The following SGK1 variants were observed in gnomAD, a reference collection of about 807,000 sequenced individuals.
SGK1 encodes serum/glucocorticoid regulated kinase 1.
A neutral mutation model predicts 64.2 loss-of-function variants in SGK1; 26 were observed. That is an observed-to-expected ratio of 0.40 (90% CI 0.30 to 0.56). SGK1 has a LOEUF of 0.56. Ranked by LOEUF, SGK1 falls within the 20% of genes least tolerant of loss-of-function variation. The probability of loss-of-function intolerance (pLI) is 0.38; values close to 1 mark genes in which losing one functional copy is unlikely to be tolerated. For synonymous variants in SGK1, 265 were observed against 239.7 expected (o/e 1.11, Z -0.98); for missense variants, 519 against 645.6 (o/e 0.80, Z 2.12).
chr6:134,180,400 A>G (rs1775313333), intron 3 of SGK1: 1 of 152,224 alleles, frequency 6.6e-6, no homozygotes, highest in Non-Finnish European at 1.5e-5. Flanking sequence ...CTAGAATGCA[A>G]TATGATAGGT....
chr6:134,233,672 A>G (rs1000347828), intron 2 of SGK1, among the ~76,000 whole-genome samples: 20 of 152,262 alleles, frequency 1.3e-4, no homozygotes, highest in Admixed American at 1.3e-3. Flanking sequence ...AAGAAAAAGA[A>G]GAAAAAAGCA....
chr6:134,253,182 G>A (rs1415865833), intron 2 of SGK1, among the ~76,000 whole-genome samples: 1 of 152,200 alleles, frequency 6.6e-6, no homozygotes, highest in Non-Finnish European at 1.5e-5. Context: ...TGCTGAACAA[G>A]AGACATGGGT....
At chr6:134,253,072 C>G (rs574900781) in intron 2 of SGK1, among the ~76,000 whole-genome samples, 1 of 152,264 alleles carries the variant, frequency 6.6e-6, no homozygotes, top group Admixed American at 6.5e-5. Context: ...TACTTCCAAG[C>G]CTTCTGGGCT....
chr6:134,226,787 G>A (rs972910699), intron 2 of SGK1, among the ~76,000 whole-genome samples: 2 of 152,176 alleles, frequency 1.3e-5, no homozygotes, highest in Non-Finnish European at 2.9e-5. Context: ...CTGGGCTCAA[G>A]TGATCCTCCC....
intron 3 of SGK1, chr6:134,180,390 C>G (rs1775313195): frequency 6.6e-6 from 1 of 152,026 alleles, no homozygotes; most frequent in East Asian, 1.9e-4. Context: ...AAAACATCAG[C>G]TAGAATGCAA....
intron 3 of SGK1, among the ~76,000 whole-genome samples, chr6:134,178,710 C>T (rs9791249): frequency 1.3e-5 from 2 of 152,318 alleles, no homozygotes; most frequent in South Asian, 2.1e-4. Context: ...CGGCTTCCCC[C>T]ACTTGTCTCC....
chr6:134,292,091 A>C (rs1277665380), intron 1 of SGK1, among the ~76,000 whole-genome samples: 4 of 151,776 alleles, frequency 2.6e-5, no homozygotes. Context: ...AGATTTTTTG[A>C]AATTTTGTTT....
intron 1 of SGK1, among the ~76,000 whole-genome samples, chr6:134,292,540 C>T (rs1777283493): frequency 6.6e-6 from 1 of 152,040 alleles, no homozygotes; most frequent in East Asian, 1.9e-4. Flanking sequence ...CTGCAGTGAG[C>T]CGAGATTGCG....
At position 134,225,027 on chromosome 6, in the gene SGK1, A is replaced by G. The variant is rs546229294; in HGVS notation, c.286-17596T>C. Among the ~76,000 whole-genome samples the G allele has an allele frequency of 5.6e-4, 84 of 150,444 alleles. 1 individual carries two copies. Among genetic ancestry groups the G allele is most frequent in the African/African-American group, 1.8e-3 (72 of 41,092 alleles). Reference sequence around the variant, plus strand: ...CCATCTCAAAAAAAAAAAAAAAGAAAAAAGAAAGAAATCTTATAATATTTA... The same window carrying G: ...CCATCTCAAAAAAAAAAAAAAAGAAGAAAGAAAGAAATCTTATAATATTTA... On this transcript the variant is annotated intron_variant, in intron 2 of 13. Coordinates refer to ENST00000367858, the MANE Select transcript of SGK1 (RefSeq NM_001143676.3).
intron 1 of SGK1, among the ~76,000 whole-genome samples, chr6:134,302,272 A>G (rs144548587): frequency 3.9e-5 from 6 of 152,346 alleles, no homozygotes; most frequent in South Asian, 2.1e-4. Flanking sequence ...ATATGTAACT[A>G]AAAAAGCAGA....
At chr6:134,273,734 G>A (rs921919946) in intron 1 of SGK1, among the ~76,000 whole-genome samples, 1 of 151,020 alleles carries the variant, frequency 6.6e-6, no homozygotes, top group Middle Eastern at 3.5e-3. Context: ...TAGAAAACAA[G>A]CTCCAAAAAG....
intron 5 of SGK1, 125 bp downstream of exon 5, chr6:134,173,880 G>C: frequency 4.4e-6 from 3 of 689,068 alleles, no homozygotes; most frequent in Non-Finnish European, 7.5e-6. Flanking sequence ...CACTTGTTAT[G>C]CCATAATGAA....
At chr6:134,209,402 C>G (rs984517129) in intron 2 of SGK1, among the ~76,000 whole-genome samples, 3 of 152,136 alleles carry the variant, frequency 2.0e-5, no homozygotes, top group South Asian at 2.1e-4. Context: ...CCACTGCACT[C>G]TAGCCTGGAC....
Position 134,270,300 on chromosome 6 carries a change from G to A in SGK1, c.70-8152C>T, listed in dbSNP as rs545794413. On this transcript the variant is annotated intron_variant, in intron 1 of 13. Transcript: ENST00000367858. Reference sequence around the variant, plus strand: ...AACAACAGGACTTTTATGCTAACTGGTCTTGATATTAAGCCTATGTCACCT... The same window carrying A: ...AACAACAGGACTTTTATGCTAACTGATCTTGATATTAAGCCTATGTCACCT... Among the ~76,000 whole-genome samples, 11 of 147,066 alleles carry A rather than the reference G, an allele frequency of 7.5e-5. 2 individuals carry two copies. The South Asian group carries it at 8.9e-4, about 12-fold the overall frequency.
At chr6:134,294,988 C>T (rs961245210) in intron 1 of SGK1, among the ~76,000 whole-genome samples, 5 of 152,120 alleles carry the variant, frequency 3.3e-5, no homozygotes, top group African/African-American at 1.2e-4. Context: ...AATTGCAGGT[C>T]CTGGTAAAAC....
intron 4 of SGK1, 23 bp from the exon 5 acceptor site, chr6:134,174,103 T>C (rs985676075): frequency 6.3e-7 from 1 of 1,591,028 alleles, no homozygotes; most frequent in East Asian, 2.2e-5. Context: ...AAGGGCACGA[T>C]TTAGAATCCA....
intron 2 of SGK1, among the ~76,000 whole-genome samples, chr6:134,255,000 C>T (rs576568321): frequency 3.3e-5 from 5 of 152,214 alleles, no homozygotes; most frequent in African/African-American, 7.2e-5. Context: ...TCCCGAGTAG[C>T]TGAGATTGCA....
At chr6:134,170,945 G>T in intron 12 of SGK1, 30 bp from the exon 13 acceptor site, 1 of 1,606,698 alleles carries the variant, frequency 6.2e-7, no homozygotes, top group South Asian at 1.1e-5. Flanking sequence ...GATTAATTTA[G>T]ACAGGTGCAT....
chr6:134,226,680 T>A (rs761186551), intron 2 of SGK1, among the ~76,000 whole-genome samples: 6 of 149,798 alleles, frequency 4.0e-5, no homozygotes, highest in Non-Finnish European at 7.4e-5. Context: ...GGTGACAGAG[T>A]GAGACCCTGT....
Sources: gnomAD v4.1 joint callset for allele counts (sites outside exome capture counted in the v4.1 genomes callset) on GRCh38, gnomAD v4.1.1 for gene constraint, MANE v1.5 for transcripts, NCBI Gene and HGNC (gene_info 2026-07-23, HGNC 2026-07-21) for gene names.